The following GFRAL variants were observed in gnomAD, a reference collection of about 807,000 sequenced individuals.
GFRAL encodes GDNF family receptor alpha-like.
Under a neutral mutation model 45.4 loss-of-function variants are expected in GFRAL, and 36 were observed. The observed-to-expected ratio is 0.79, with a 90% confidence interval of 0.61 to 1.05. The LOEUF is 1.05. Ranked by LOEUF, GFRAL falls within the 50% of genes least tolerant of loss-of-function variation. The pLI, the probability that GFRAL is intolerant of heterozygous loss-of-function variation, is 0.00. For synonymous variants in GFRAL, 166 were observed against 154.1 expected, an observed-to-expected ratio of 1.08 and a Z score of -0.57; for missense variants, 507 against 467.5, an observed-to-expected ratio of 1.08 and a Z score of -0.78.
chr6:55,388,206 C>G (rs1048938475), intron 6 of GFRAL, among the ~76,000 whole-genome samples: 4 of 152,052 alleles, frequency 2.6e-5, no homozygotes, highest in Non-Finnish European at 4.4e-5. Context: ...CAGACATTAA[C>G]TGTAGACACA....
At chr6:55,395,908 A>G (rs139632428) in intron 6 of GFRAL, among the ~76,000 whole-genome samples, 1 of 152,304 alleles carries the variant, frequency 6.6e-6, no homozygotes, top group Admixed American at 6.5e-5. Flanking sequence ...CAAATGTACA[A>G]GGATTTTACA....
chr6:55,392,602 C>T (rs1439746827), intron 6 of GFRAL, among the ~76,000 whole-genome samples: 2 of 152,102 alleles, frequency 1.3e-5, no homozygotes, highest in Non-Finnish European at 2.9e-5. Context: ...CATCACATCG[C>T]CCTCTCTAAG....
At chr6:55,346,157 G>A (rs1768038759) in intron 3 of GFRAL, among the ~76,000 whole-genome samples, 1 of 152,148 alleles carries the variant, frequency 6.6e-6, no homozygotes, top group Admixed American at 6.5e-5. Context: ...TCTAGAACTA[G>A]AAATACCATT....
chr6:55,363,594 C>G (rs796086179), intron 6 of GFRAL, among the ~76,000 whole-genome samples: 5 of 108,496 alleles, frequency 4.6e-5, no homozygotes, highest in Non-Finnish European at 7.1e-5. Context: ...CCCCTCCCCC[C>G]ACCCCACCTC....
intron 5 of GFRAL, among the ~76,000 whole-genome samples, chr6:55,358,675 A>T (rs534259886): frequency 2.2e-4 from 33 of 152,122 alleles, no homozygotes; most frequent in African/African-American, 7.9e-4. Flanking sequence ...GCTGTCTTTC[A>T]TCACAAAAAA....
chr6:55,389,182 T>A (rs540691744), intron 6 of GFRAL, among the ~76,000 whole-genome samples: 1 of 152,290 alleles, frequency 6.6e-6, no homozygotes, highest in East Asian at 1.9e-4. Flanking sequence ...TACAGATTAT[T>A]TCATCACCCA....
chr6:55,396,713 TA>T (rs1301723789), intron 6 of GFRAL, among the ~76,000 whole-genome samples: 1 of 151,834 alleles, frequency 6.6e-6, no homozygotes, highest in African/African-American at 2.4e-5. Flanking sequence ...GACCCCTTAT[TA>T]AAAAAAAGTA....
Position 55,397,410 on chromosome 6 carries a change from C to A in GFRAL, c.953-1770C>A, listed in dbSNP as rs886974773. On this transcript the variant is annotated intron_variant, in intron 6 of 8. Coordinates refer to ENST00000340465, the MANE Select transcript of GFRAL (RefSeq NM_207410.2). ...GCGGGCGCCTGTAGTCCCAGCTACT[C>A]GGGAGGCTGAGGCAGGAGAATGGCG... Among the ~76,000 whole-genome samples, 36 of 142,208 alleles carry A rather than the reference C, an allele frequency of 2.5e-4. 2 individuals are homozygous for A. The highest frequency in any genetic ancestry group is 2.4e-3 in the Admixed American group (33 of 13,562). 93.3% of individuals were successfully genotyped at this position (142,208 alleles called of 152,430 possible). A position where few individuals can be genotyped will look rare whatever the true frequency, so the allele number is the denominator to read the frequency against.
At chr6:55,389,375 C>T (rs944137421) in intron 6 of GFRAL, among the ~76,000 whole-genome samples, 11 of 152,112 alleles carry the variant, frequency 7.2e-5, no homozygotes, top group African/African-American at 2.4e-4. Context: ...TTTTCCCTTG[C>T]CCTATTAAAT....
At chr6:55,366,387 A>G (rs937198133) in intron 6 of GFRAL, among the ~76,000 whole-genome samples, 5 of 148,266 alleles carry the variant, frequency 3.4e-5, no homozygotes, top group African/African-American at 1.3e-4. Flanking sequence ...CTTTCAAAAA[A>G]CCAGCTCCTG....
At chr6:55,354,068 C>G (rs1050740733) in intron 5 of GFRAL, among the ~76,000 whole-genome samples, 1 of 151,996 alleles carries the variant, frequency 6.6e-6, no homozygotes, top group Non-Finnish European at 1.5e-5. Context: ...TGCCTGATTC[C>G]AGTGCCAGGG....
chr6:55,384,442 T>C (rs1480500186), intron 6 of GFRAL, among the ~76,000 whole-genome samples: 1 of 151,984 alleles, frequency 6.6e-6, no homozygotes, highest in East Asian at 1.9e-4. Context: ...CTTGGATAAC[T>C]GGAAGAATTC....
intron 6 of GFRAL, among the ~76,000 whole-genome samples, chr6:55,370,034 G>C (rs962900028): frequency 5.9e-5 from 9 of 152,118 alleles, no homozygotes; most frequent in Non-Finnish European, 1.0e-4. Flanking sequence ...GATGTAAAGA[G>C]CAAAGTTTTA....
In GFRAL at chr6:55,399,446, C is replaced by G. The variant is rs1294286074; in HGVS notation, c.1121+5C>G. On this transcript the variant is annotated splice_donor_5th_base_variant and intron_variant, in intron 8 of 8. Transcript: ENST00000340465. ...GTTGGTTATGGTCAAGCTTAGGTAA[C>G]TGAATATAAATTAGAAGGAAAGGTC... 5.7e-6 allele frequency: 9 copies of G among 1,583,718 alleles called. No homozygotes were observed. Among genetic ancestry groups the G allele is most frequent in the Non-Finnish European group, 7.8e-6 (9 of 1,152,630 alleles).
intron 3 of GFRAL, among the ~76,000 whole-genome samples, chr6:55,346,895 T>C (rs972892596): frequency 8.4e-6 from 1 of 118,656 alleles, no homozygotes; most frequent in Non-Finnish European, 1.7e-5. Flanking sequence ...CCAAAAGAAA[T>C]TGAACATTAA....
intron 3 of GFRAL, among the ~76,000 whole-genome samples, chr6:55,340,339 A>T (rs1357699838): frequency 6.6e-6 from 1 of 152,176 alleles, no homozygotes; most frequent in Non-Finnish European, 1.5e-5. Context: ...CAGTTTTGTT[A>T]TTTCTTTTAA....
At chr6:55,360,822 G>A (rs551429394) in intron 6 of GFRAL, among the ~76,000 whole-genome samples, 1 of 151,898 alleles carries the variant, frequency 6.6e-6, no homozygotes, top group South Asian at 2.1e-4. Flanking sequence ...AATATATACA[G>A]TTATATAATA....
intron 6 of GFRAL, among the ~76,000 whole-genome samples, chr6:55,362,878 G>C (rs550722792): frequency 1.7e-4 from 26 of 151,544 alleles, no homozygotes; most frequent in African/African-American, 6.1e-4. Context: ...AGAGGAAAAG[G>C]AAGGGGCAGG....
chr6:55,359,733 A>G (rs1473848718), intron 6 of GFRAL, among the ~76,000 whole-genome samples: 1 of 152,016 alleles, frequency 6.6e-6, no homozygotes, highest in African/African-American at 2.4e-5. Context: ...ATGTGGAAGC[A>G]GAAGAGTTCC....
Sources: gnomAD v4.1 joint callset for allele counts (sites outside exome capture counted in the v4.1 genomes callset) on GRCh38, gnomAD v4.1.1 for gene constraint, MANE v1.5 for transcripts, NCBI Gene and HGNC (gene_info 2026-07-23, HGNC 2026-07-21) for gene names.